MYO9A: variants seen among roughly 807,000 people sequenced by gnomAD.
The protein encoded by MYO9A is myosin IXA, also known as unconventional myosin-IXa.
A neutral mutation model predicts 293.3 loss-of-function variants in MYO9A; 103 were observed. That is an observed-to-expected ratio of 0.35 (90% CI 0.30 to 0.41). The LOEUF (loss-of-function observed/expected upper bound fraction) is 0.41. Among genes scored for constraint, MYO9A ranks in the 10% least tolerant of loss-of-function variants. The probability of loss-of-function intolerance (pLI) is 1.00; values close to 1 mark genes in which losing one functional copy is unlikely to be tolerated. For missense variants in MYO9A, 2,685 were observed against 3,033.0 expected (o/e 0.89, Z 2.69); for synonymous variants, 1,001 against 1,035.7 (o/e 0.97, Z 0.64).
intron 39 of MYO9A, among the ~76,000 whole-genome samples, chr15:71,838,885 G>C (rs554314887): frequency 6.6e-6 from 1 of 152,128 alleles, no homozygotes; most frequent in Non-Finnish European, 1.5e-5. Context: ...GGAGGAAGTG[G>C]AGTTCTCTTC....
intron 6 of MYO9A, among the ~76,000 whole-genome samples, chr15:72,013,745 T>C (rs778017613): frequency 2.0e-5 from 3 of 152,208 alleles, no homozygotes; most frequent in Non-Finnish European, 4.4e-5. Flanking sequence ...TCAAATTAGA[T>C]ATTTTCTTCT....
At chr15:71,841,492 C>A (rs1325603171) in intron 39 of MYO9A, among the ~76,000 whole-genome samples, 2 of 152,144 alleles carry the variant, frequency 1.3e-5, no homozygotes, top group African/African-American at 4.8e-5. Flanking sequence ...CACAGATCAA[C>A]AAACATGGTG....
intron 7 of MYO9A, among the ~76,000 whole-genome samples, chr15:72,009,601 C>T (rs1284495559): frequency 6.6e-6 from 1 of 151,768 alleles, no homozygotes; most frequent in Admixed American, 6.6e-5. Flanking sequence ...GCAGTCCCAA[C>T]TTCTTGGGAA....
At chr15:72,039,479 AC>A (rs1450086210) in intron 2 of MYO9A, among the ~76,000 whole-genome samples, 1 of 152,094 alleles carries the variant, frequency 6.6e-6, no homozygotes. Context: ...TCCAAAAAAA[AC>A]CAGATAGGAT....
intron 1 of MYO9A, among the ~76,000 whole-genome samples, chr15:72,051,211 CATGCCACCG>C (rs2078551465): frequency 6.6e-6 from 1 of 152,308 alleles, no homozygotes; most frequent in East Asian, 1.9e-4. Flanking sequence ...ACTGTAAGTG[CATGCCACCG>C]ATGGCAGCAG....
chr15:71,871,239 G>C (rs2056501982), intron 32 of MYO9A, among the ~76,000 whole-genome samples: 1 of 151,884 alleles, frequency 6.6e-6, no homozygotes. Context: ...AGCTAGGCAT[G>C]ATAGGTGTGC....
At chr15:71,864,505 T>G (rs963777140) in intron 32 of MYO9A, among the ~76,000 whole-genome samples, 1 of 152,192 alleles carries the variant, frequency 6.6e-6, no homozygotes, top group African/African-American at 2.4e-5. Flanking sequence ...ACTGAAAATG[T>G]ACGTCCAAGA....
rs1425335449 is a variant in MYO9A at position 71,883,726 on chromosome 15, C to G, written c.5266G>C (p.Ala1756Pro). 1.2e-6 allele frequency: 2 copies of G among 1,610,476 alleles called. No individual in the cohort carries two copies. The highest frequency in any genetic ancestry group is 3.4e-5 in the Admixed American group (2 of 59,092). Residue 1756 changes from alanine (A) to proline (P), a missense_variant, in exon 28 of 42, where the codon GCT (alanine) becomes CCT (proline). Coordinates refer to ENST00000356056, the MANE Select transcript of MYO9A (RefSeq NM_006901.4). ...ASDSDIRPQRAKMRFWAKGKQ... is the reference protein window; with the variant it reads ...ASDSDIRPQRPKMRFWAKGKQ... ...CCTTTGGCCCAGAATCTCATCTTAGCTCTCTGAGGTCTGTTTAAAGAAATA... is the reference window on the plus strand; with the variant it reads ...CCTTTGGCCCAGAATCTCATCTTAGGTCTCTGAGGTCTGTTTAAAGAAATA...
At position 71,822,915 on chromosome 15, in the gene MYO9A, A is replaced by C. The variant is rs986001500; in HGVS notation, c.*3665T>G. 2 of 152,172 alleles carry C rather than the reference A, an allele frequency of 1.3e-5. No individual in the cohort carries two copies. Among genetic ancestry groups the C allele is most frequent in the East Asian group, 3.8e-4 (2 of 5,196 alleles). The allele number at this position is 152,172 out of a possible 1,614,324, so 9.4% of individuals were successfully genotyped here. ...CAAATGTGGGAGTCATTCCAGAGAA[A>C]AGTGGTTAAAAGTAGTCTAGGGCAT... On this transcript the variant is annotated 3_prime_UTR_variant, in exon 42 of 42. Transcript: ENST00000356056.
intron 18 of MYO9A, among the ~76,000 whole-genome samples, chr15:71,924,238 TATC>T (rs1020575601): frequency 3.0e-4 from 45 of 151,818 alleles, no homozygotes; most frequent in Non-Finnish European, 4.7e-4. Context: ...TTATTATTAT[TATC>T]ATTATTGTTA....
At chr15:71,851,211 A>T in intron 37 of MYO9A, 42 bp downstream of exon 37, 1 of 1,441,382 alleles carries the variant, frequency 6.9e-7, no homozygotes, top group South Asian at 1.2e-5. Flanking sequence ...AAATAATCCA[A>T]GAGAAACTAT....
chr15:71,992,802 T>A (rs2076578061), intron 10 of MYO9A, among the ~76,000 whole-genome samples: 1 of 151,286 alleles, frequency 6.6e-6, no homozygotes, highest in South Asian at 2.1e-4. Flanking sequence ...CATAAAAAAA[T>A]TATAATTATA....
intron 11 of MYO9A, among the ~76,000 whole-genome samples, chr15:71,978,837 T>C (rs1434627826): frequency 4.6e-5 from 7 of 151,888 alleles, no homozygotes; most frequent in Non-Finnish European, 8.8e-5. Context: ...GAGGTTCAGG[T>C]CTTGAGTAAC....
At chr15:72,098,206 T>C (rs920388250) in intron 1 of MYO9A, among the ~76,000 whole-genome samples, 1 of 151,740 alleles carries the variant, frequency 6.6e-6, no homozygotes, top group Non-Finnish European at 1.5e-5. Context: ...AGGTCATAAA[T>C]GGCAACATGG....
chr15:71,850,881 A>G (rs1258393615), intron 37 of MYO9A, among the ~76,000 whole-genome samples: 7 of 151,444 alleles, frequency 4.6e-5, no homozygotes, highest in Non-Finnish European at 8.8e-5. Context: ...ACAGGGGAAG[A>G]GACACTACTC....
chr15:71,950,624 C>T (rs898633181), intron 15 of MYO9A, among the ~76,000 whole-genome samples: 2 of 152,172 alleles, frequency 1.3e-5, no homozygotes, highest in Admixed American at 6.5e-5. Flanking sequence ...AAAACACTTA[C>T]CTTTGTTCCT....
intron 31 of MYO9A, 49 bp downstream of exon 31, chr15:71,877,991 A>G: frequency 6.8e-7 from 1 of 1,472,776 alleles, no homozygotes; most frequent in Non-Finnish European, 9.1e-7. Flanking sequence ...CGCTCTTAAA[A>G]AGAATTCATA....
At chr15:72,019,195 G>T in intron 5 of MYO9A, 100 bp from the exon 6 acceptor site, 1 of 970,444 alleles carries the variant, frequency 1.0e-6, no homozygotes, top group Non-Finnish European at 1.6e-6. Context: ...GCTCTCCATT[G>T]AAAAGTTATT....
At chr15:72,091,632 C>T (rs976123710) in intron 1 of MYO9A, among the ~76,000 whole-genome samples, 2 of 152,142 alleles carry the variant, frequency 1.3e-5, no homozygotes, top group Admixed American at 1.3e-4. Context: ...ATATCCATCT[C>T]CAATAACATG....
Sources: allele counts gnomAD v4.1 joint callset (sites outside exome capture counted in the v4.1 genomes callset), GRCh38; gene constraint gnomAD v4.1.1; transcripts MANE v1.5; gene names NCBI Gene and HGNC (gene_info 2026-07-23, HGNC 2026-07-21).